Variants in JARID2 observed in about 807,000 individuals in gnomAD.
JARID2 encodes the protein protein Jumonji.
Under a neutral mutation model 125.6 loss-of-function variants are expected in JARID2, and 21 were observed. That is an observed-to-expected ratio of 0.17 (90% CI 0.12 to 0.24). The LOEUF (loss-of-function observed/expected upper bound fraction) is 0.24, where lower values mean the gene tolerates loss of function less well. Among genes scored for constraint, JARID2 ranks in the 10% least tolerant of loss-of-function variants. The probability of loss-of-function intolerance (pLI) is 1.00; values close to 1 mark genes in which losing one functional copy is unlikely to be tolerated. For missense variants in JARID2, 1,303 were observed against 1,639.6 expected (o/e 0.79, Z 3.55); for synonymous variants, 736 against 661.6 (o/e 1.11, Z -1.73).
At chr6:15,299,563 G>A (rs1761530368) in intron 1 of JARID2, among the ~76,000 whole-genome samples, 1 of 152,166 alleles carries the variant, frequency 6.6e-6, no homozygotes, top group African/African-American at 2.4e-5. Flanking sequence ...AACCTCAGTT[G>A]GCCTGCGTTG....
chr6:15,268,794 TTTGC>T (rs1760187469), intron 1 of JARID2, among the ~76,000 whole-genome samples: 1 of 152,206 alleles, frequency 6.6e-6, no homozygotes, highest in Non-Finnish European at 1.5e-5. Context: ...CTGCAAAGAA[TTTGC>T]TTTTCCTTTT....
intron 1 of JARID2, among the ~76,000 whole-genome samples, chr6:15,366,961 G>T (rs1217469825): frequency 2.0e-5 from 3 of 150,486 alleles, no homozygotes; most frequent in African/African-American, 7.5e-5. Context: ...TGGAGATATG[G>T]TTAAAAAAAA....
At chr6:15,452,954 A>G (rs923407780) in intron 4 of JARID2, among the ~76,000 whole-genome samples, 1 of 152,190 alleles carries the variant, frequency 6.6e-6, no homozygotes, top group East Asian at 1.9e-4. Context: ...TTGCTATTGG[A>G]CATCTGTGGG....
At chr6:15,342,811 T>A (rs1408330516) in intron 1 of JARID2, among the ~76,000 whole-genome samples, 2 of 152,198 alleles carry the variant, frequency 1.3e-5, no homozygotes, top group Non-Finnish European at 2.9e-5. Context: ...TTTGTGTCGT[T>A]ACTTACCCAT....
intron 1 of JARID2, among the ~76,000 whole-genome samples, chr6:15,365,916 CTT>C (rs569757426): frequency 1.4e-5 from 2 of 146,814 alleles, no homozygotes; most frequent in African/African-American, 5.0e-5. Flanking sequence ...TGACAGACTA[CTT>C]TTTTTTTTTG....
chr6:15,443,234 G>A (rs1767522862), intron 3 of JARID2, among the ~76,000 whole-genome samples: 1 of 152,118 alleles, frequency 6.6e-6, no homozygotes, highest in African/African-American at 2.4e-5. Flanking sequence ...CCTTGGGCTG[G>A]CTTCTTCATG....
chr6:15,488,155 C>A (rs577412511), intron 6 of JARID2, among the ~76,000 whole-genome samples: 2 of 152,332 alleles, frequency 1.3e-5, no homozygotes, highest in Admixed American at 6.5e-5. Context: ...GCTGTCCCCC[C>A]ACCCGCTATC....
At chr6:15,325,032 T>C (rs988419859) in intron 1 of JARID2, among the ~76,000 whole-genome samples, 11 of 152,064 alleles carry the variant, frequency 7.2e-5, no homozygotes, top group Admixed American at 2.6e-4. Context: ...TATTCGTATG[T>C]GTTTATAATT....
At chr6:15,301,778 C>T (rs1483213903) in intron 1 of JARID2, among the ~76,000 whole-genome samples, 1 of 152,126 alleles carries the variant, frequency 6.6e-6, no homozygotes, top group Non-Finnish European at 1.5e-5. Flanking sequence ...ATGGGGCTGC[C>T]CTCTTTGGTA....
intron 6 of JARID2, among the ~76,000 whole-genome samples, chr6:15,494,866 A>G (rs1227384666): frequency 6.6e-6 from 1 of 152,170 alleles, no homozygotes; most frequent in Admixed American, 6.5e-5. Flanking sequence ...CCTCTGGGCC[A>G]TCACTGCATG....
At chr6:15,289,215 C>T (rs541503842) in intron 1 of JARID2, among the ~76,000 whole-genome samples, 1 of 152,158 alleles carries the variant, frequency 6.6e-6, no homozygotes, top group East Asian at 1.9e-4. Flanking sequence ...GAAGAGTCAG[C>T]ACCATAAGGC....
At chr6:15,376,160 A>G (rs1214339413) in intron 2 of JARID2, among the ~76,000 whole-genome samples, 1 of 152,146 alleles carries the variant, frequency 6.6e-6, no homozygotes, top group Admixed American at 6.5e-5. Context: ...TTCTGGCACT[A>G]CCTTCATAAG....
chr6:15,433,921 G>GGTGTGTGTGTGTGTGT (rs146025914), intron 3 of JARID2, among the ~76,000 whole-genome samples: 79 of 131,378 alleles, frequency 6.0e-4, no homozygotes, highest in East Asian at 3.1e-3. Flanking sequence ...CACTCTCCAG[G>GGTGTGTGTGTGTGTGT]GTGTGTGTGT....
intron 1 of JARID2, among the ~76,000 whole-genome samples, chr6:15,260,666 TAAG>T (rs1209466106): frequency 6.6e-6 from 1 of 152,358 alleles, no homozygotes; most frequent in Admixed American, 6.5e-5. Context: ...CTGGATGAGA[TAAG>T]GAGTGCAATA....
At chr6:15,489,235 T>C (rs972380830) in intron 6 of JARID2, among the ~76,000 whole-genome samples, 2 of 152,202 alleles carry the variant, frequency 1.3e-5, no homozygotes, top group Non-Finnish European at 2.9e-5. Context: ...TTTTTGAGTT[T>C]TTTTAGTTTA....
intron 1 of JARID2, among the ~76,000 whole-genome samples, chr6:15,337,750 A>C (rs898071674): frequency 6.6e-6 from 1 of 151,112 alleles, no homozygotes; most frequent in African/African-American, 2.4e-5. Flanking sequence ...CCCCCTCCCA[A>C]CTCTGTTTCT....
chr6:15,305,730 C>T (rs1392139137), intron 1 of JARID2, among the ~76,000 whole-genome samples: 1 of 152,064 alleles, frequency 6.6e-6, no homozygotes, highest in Non-Finnish European at 1.5e-5. Context: ...TGATTCCTCC[C>T]CACCCCCATC....
chr6:15,271,967 T>A (rs999703575), intron 1 of JARID2, among the ~76,000 whole-genome samples: 3 of 152,138 alleles, frequency 2.0e-5, no homozygotes, highest in Admixed American at 1.3e-4. Context: ...GCCACTGCAC[T>A]CCAGCCTGGG....
intron 1 of JARID2, among the ~76,000 whole-genome samples, chr6:15,264,623 G>GTGTGTGTA (rs1452904689): frequency 3.3e-4 from 50 of 151,358 alleles, no homozygotes; most frequent in African/African-American, 1.2e-3. Flanking sequence ...GTGTGTGTGT[G>GTGTGTGTA]TGTGTGTGTG....
Sources: allele counts gnomAD v4.1 joint callset (sites outside exome capture counted in the v4.1 genomes callset), GRCh38; gene constraint gnomAD v4.1.1; transcripts MANE v1.5; gene names NCBI Gene and HGNC (gene_info 2026-07-23, HGNC 2026-07-21).